The following KIAA0319 variants were observed in gnomAD, a reference collection of about 807,000 sequenced individuals.
The protein encoded by KIAA0319 is dyslexia-associated protein KIAA0319.
A neutral mutation model predicts 108.4 loss-of-function variants in KIAA0319; 83 were observed. The observed-to-expected ratio is 0.77, with a 90% CI of 0.64 to 0.92. The LOEUF (loss-of-function observed/expected upper bound fraction) is 0.92, where lower values mean the gene tolerates loss of function less well. KIAA0319 is among the 40% of genes least tolerant of loss of function. KIAA0319 has a pLI of 0.00. For missense variants in KIAA0319, 1,195 were observed against 1,322.4 expected (o/e 0.90, Z 1.49); for synonymous variants, 484 against 510.4 (o/e 0.95, Z 0.70).
At chr6:24,561,139 T>C (rs941377617) in intron 16 of KIAA0319, among the ~76,000 whole-genome samples, 2 of 152,218 alleles carry the variant, frequency 1.3e-5, no homozygotes, top group Non-Finnish European at 2.9e-5. Context: ...CTGGATTCAG[T>C]TTGATAGTAT....
At chr6:24,630,284 A>G (rs980302100) in intron 1 of KIAA0319, among the ~76,000 whole-genome samples, 1 of 152,068 alleles carries the variant, frequency 6.6e-6, no homozygotes, top group South Asian at 2.1e-4. Context: ...TGAGGTGGGC[A>G]GATCACTTAA....
rs192107015 is a variant in KIAA0319 at position 24,619,367 on chromosome 6, T to C, written c.-105-18159A>G. Among the ~76,000 whole-genome samples the C allele has an allele frequency of 1.0e-3, 155 of 152,280 alleles. 1 individual carries two copies. The highest frequency in any genetic ancestry group is 3.6e-3 in the African/African-American group (148 of 41,548). ...AGGCCCTGAGGAGTCAGAGCCTTGATTTATTTTAAGGTAGAGCATATAGGA... is the reference window on the plus strand; with the variant it reads ...AGGCCCTGAGGAGTCAGAGCCTTGACTTATTTTAAGGTAGAGCATATAGGA... On this transcript the variant is annotated intron_variant, in intron 1 of 20. Transcript: ENST00000378214.
chr6:24,570,149 T>A, intron 11 of KIAA0319, 114 bp from the exon 12 acceptor site: 3 of 968,718 alleles, frequency 3.1e-6, no homozygotes, highest in Non-Finnish European at 4.6e-6. Context: ...GCCACTAGAG[T>A]ATGCAGCATC....
chr6:24,611,869 C>T (rs1364639221), intron 1 of KIAA0319, among the ~76,000 whole-genome samples: 1 of 151,720 alleles, frequency 6.6e-6, no homozygotes, highest in East Asian at 1.9e-4. Flanking sequence ...GCCTGGACAA[C>T]ACAGGGAGAA....
chr6:24,624,137 A>C (rs561330880), intron 1 of KIAA0319, among the ~76,000 whole-genome samples: 1 of 135,150 alleles, frequency 7.4e-6, no homozygotes, highest in South Asian at 2.3e-4. Flanking sequence ...CAATCCTTCC[A>C]CCTCAGCCTC....
At chr6:24,603,577 T>C (rs1335504220) in intron 1 of KIAA0319, among the ~76,000 whole-genome samples, 2 of 152,146 alleles carry the variant, frequency 1.3e-5, no homozygotes, top group African/African-American at 2.4e-5. Flanking sequence ...TAAAACCTTA[T>C]AGGAGGACAA....
At chr6:24,548,927 G>T (rs55957932) in intron 20 of KIAA0319, among the ~76,000 whole-genome samples, 19,648 of 152,094 alleles carry the variant, frequency 0.13, 1,352 homozygotes, top group Middle Eastern at 0.21. Context: ...CTGAATGTTT[G>T]CACCCCCACA....
chr6:24,586,925 G>A (rs534636878), intron 4 of KIAA0319, among the ~76,000 whole-genome samples: 2 of 151,936 alleles, frequency 1.3e-5, no homozygotes, highest in Non-Finnish European at 1.5e-5. Context: ...GCTCCTTATA[G>A]AACAATGTCC....
Position 24,553,336 on chromosome 6 carries a change from C to CAT in KIAA0319, c.2948+1204_2948+1205insAT, listed in dbSNP as rs1561913762. 1.0e-3 allele frequency among the ~76,000 whole-genome samples: 56 copies of CAT among 55,316 alleles called. 1 individual carries two copies. The highest frequency in any genetic ancestry group is 3.1e-3 in the African/African-American group (53 of 17,260). The allele number at this position is 55,316 out of a possible 152,430, so 36.3% of individuals were successfully genotyped here. ...ACACACACACACACACACACACACA[C>CAT]GCACATATATATATATATATATCTG... is the stretch of plus-strand genomic sequence containing the variant. On this transcript the variant is annotated intron_variant, in intron 19 of 20. Coordinates refer to ENST00000378214, the MANE Select transcript of KIAA0319 (RefSeq NM_014809.4).
At chr6:24,641,056 C>A (rs1025548062) in intron 1 of KIAA0319, among the ~76,000 whole-genome samples, 1 of 152,198 alleles carries the variant, frequency 6.6e-6, no homozygotes, top group Non-Finnish European at 1.5e-5. Context: ...ACCCATTAAA[C>A]AATAACACCC....
chr6:24,548,425 G>T (rs995285620), intron 20 of KIAA0319, among the ~76,000 whole-genome samples: 1 of 152,162 alleles, frequency 6.6e-6, no homozygotes, highest in Non-Finnish European at 1.5e-5. Context: ...CAAATGACAC[G>T]AACTTCCTGT....
intron 2 of KIAA0319, among the ~76,000 whole-genome samples, chr6:24,597,085 A>G (rs2127525515): frequency 6.6e-6 from 1 of 152,168 alleles, no homozygotes; most frequent in East Asian, 1.9e-4. Context: ...TCTTACACCT[A>G]TCCATGCACC....
At chr6:24,559,946 A>G (rs1762869289) in intron 16 of KIAA0319, among the ~76,000 whole-genome samples, 1 of 152,224 alleles carries the variant, frequency 6.6e-6, no homozygotes, top group African/African-American at 2.4e-5. Context: ...AGATAGATGG[A>G]ATCATACAAT....
At position 24,564,309 on chromosome 6, in the gene KIAA0319, G is replaced by A. The variant is rs1763565007; in HGVS notation, c.2324C>T (p.Ala775Val). Residue 775 changes from alanine to valine, a missense_variant, in exon 15 of 21, where the codon GCT (alanine) becomes GTT (valine). Ala to Val is a moderately conservative substitution (Grantham distance 64). Transcript: ENST00000378214. The part of the protein sequence containing the change: ...DVIDGSDHSV[A>V]LQLTNLVEGV... ...CTCCACCAGATTCGTAAGCTGCAGA[G>A]CCACACTGTGGTCAGAGCCATCGAT... 3 of 1,614,056 alleles carry A rather than the reference G, an allele frequency of 1.9e-6. No homozygotes were observed. The highest frequency in any genetic ancestry group is 2.5e-6 in the Non-Finnish European group (3 of 1,180,024).
At chr6:24,637,765 G>A (rs979626391) in intron 1 of KIAA0319, among the ~76,000 whole-genome samples, 2 of 152,042 alleles carry the variant, frequency 1.3e-5, no homozygotes, top group African/African-American at 4.8e-5. Flanking sequence ...GTCCAAGAAG[G>A]ATCCCGCCTA....
intron 20 of KIAA0319, among the ~76,000 whole-genome samples, chr6:24,547,588 C>T (rs1760812007): frequency 1.3e-5 from 2 of 152,194 alleles, no homozygotes; most frequent in South Asian, 4.1e-4. Context: ...AGATACCGAA[C>T]CTCTCTGAGC....
chr6:24,587,819 A>G (rs1767781305), intron 4 of KIAA0319, among the ~76,000 whole-genome samples: 1 of 151,724 alleles, frequency 6.6e-6, no homozygotes, highest in Non-Finnish European at 1.5e-5. Context: ...TGAACTCCTG[A>G]CCTCATGATC....
At position 24,545,499 on chromosome 6, in the gene KIAA0319, A is replaced by G. The variant is rs1760517060; in HGVS notation, c.*1666T>C. The G allele has an allele frequency of 6.6e-6, 1 of 152,164 alleles. No homozygotes were observed. Among genetic ancestry groups the G allele is most frequent in the Non-Finnish European group, 1.5e-5 (1 of 68,028 alleles). 9.4% of individuals were successfully genotyped at this position (152,164 alleles called of 1,614,324 possible). A position where few individuals can be genotyped will look rare whatever the true frequency, so the allele number is the denominator to read the frequency against. ...TAACCCTGGTCACCTGATAAGGCAGATTCTAGGCTTATGAAGCTCAATACT... is the reference window on the plus strand; with the variant it reads ...TAACCCTGGTCACCTGATAAGGCAGGTTCTAGGCTTATGAAGCTCAATACT... On this transcript the variant is annotated 3_prime_UTR_variant, in exon 21 of 21. Coordinates refer to ENST00000378214, the MANE Select transcript of KIAA0319 (RefSeq NM_014809.4).
At chr6:24,563,780 A>C (rs1186269705) in intron 15 of KIAA0319, among the ~76,000 whole-genome samples, 2 of 152,066 alleles carry the variant, frequency 1.3e-5, no homozygotes, top group African/African-American at 4.8e-5. Context: ...CTAGCTGAAA[A>C]TTTCAGCCTC....
Sources: gnomAD v4.1 joint callset for allele counts (sites outside exome capture counted in the v4.1 genomes callset) on GRCh38, gnomAD v4.1.1 for gene constraint, MANE v1.5 for transcripts, NCBI Gene and HGNC (gene_info 2026-07-23, HGNC 2026-07-21) for gene names.